CDC23: variants seen among roughly 807,000 people sequenced by gnomAD.
CDC23 encodes cell division cycle protein 23 homolog.
CDC23 carries 26 observed loss-of-function variants against 81.7 expected under a neutral mutation model. That is an observed-to-expected ratio of 0.32 (90% CI 0.23 to 0.44). The LOEUF (loss-of-function observed/expected upper bound fraction) is 0.44, where lower values mean the gene tolerates loss of function less well. CDC23 is among the 20% of genes least tolerant of loss of function. The pLI is 1.00. For missense variants in CDC23, 519 were observed against 728.0 expected (o/e 0.71, Z 3.30); for synonymous variants, 267 against 270.8 (o/e 0.99, Z 0.14).
Position 138,198,533 on chromosome 5 carries a change from G to A in CDC23, c.833-10C>T, listed in dbSNP as rs761433157. ...AGGGCTTTGTCAATATCTGCAGAAA[G>A]AAGATAGTTCAGAAAACAGCACAAT... is the stretch of plus-strand genomic sequence containing the variant. On this transcript the variant is annotated splice_polypyrimidine_tract_variant and intron_variant, in intron 7 of 15. Transcript: ENST00000394886. 10 of 1,613,450 alleles carry A rather than the reference G, an allele frequency of 6.2e-6. No homozygotes were observed. Among genetic ancestry groups the A allele is most frequent in the Non-Finnish European group, 8.5e-6 (10 of 1,179,494 alleles).
intron 9 of CDC23, among the ~76,000 whole-genome samples, chr5:138,194,146 A>G (rs1490103111): frequency 1.3e-5 from 2 of 152,202 alleles, no homozygotes; most frequent in Non-Finnish European, 2.9e-5. Context: ...ACTACTCAGC[A>G]ATAAAAGGAA....
chr5:138,195,496 G>GT (rs1427749847), intron 9 of CDC23, among the ~76,000 whole-genome samples: 3 of 122,482 alleles, frequency 2.4e-5, no homozygotes, highest in Non-Finnish European at 4.8e-5. Flanking sequence ...ATACATATAT[G>GT]TAAAAAATAT....
intron 3 of CDC23, chr5:138,206,271 C>A (rs1755047480): frequency 8.3e-6 from 4 of 480,388 alleles, no homozygotes; most frequent in African/African-American, 2.0e-5. Flanking sequence ...AATTCTTACA[C>A]AATAATATTA....
intron 9 of CDC23, among the ~76,000 whole-genome samples, chr5:138,194,403 A>T (rs1372892107): frequency 6.6e-6 from 1 of 152,188 alleles, no homozygotes; most frequent in Non-Finnish European, 1.5e-5. Flanking sequence ...GCCTGGTGAC[A>T]GAGAGAGACC....
chr5:138,200,122 T>TTTTGTTTGTTTG, intron 6 of CDC23, among the ~76,000 whole-genome samples: 1 of 152,140 alleles, frequency 6.6e-6, no homozygotes, highest in East Asian at 1.9e-4. Flanking sequence ...CTGAACAATT[T>TTTTGTTTGTTTG]TTTGTTTGTT....
intron 2 of CDC23, among the ~76,000 whole-genome samples, chr5:138,212,357 C>T (rs1355442870): frequency 1.3e-5 from 2 of 152,176 alleles, no homozygotes; most frequent in African/African-American, 4.8e-5. Context: ...TCCCGCTCTG[C>T]CCTCGGGCTG....
At chr5:138,212,964 G>A in intron 2 of CDC23, 27 bp downstream of exon 2, 2 of 1,599,938 alleles carry the variant, frequency 1.3e-6, no homozygotes, top group Non-Finnish European at 8.6e-7. Context: ...GGTTGATGGG[G>A]AGCGCTCACT....
chr5:138,196,725 C>T lies in CDC23; in HGVS notation c.1012+1474G>A, dbSNP rs577855403. Among the ~76,000 whole-genome samples the T allele has an allele frequency of 1.6e-4, 24 of 149,574 alleles. No homozygotes were observed. In the South Asian group the frequency reaches 3.6e-3, roughly 23 times the overall value. On this transcript the variant is annotated intron_variant, in intron 9 of 15. Transcript: ENST00000394886. ...CCTCCCGAGTAGCTTGGACTACAGG[C>T]GCCCGCCACCACGCCCAGCTAATTT...
At chr5:138,197,785 G>A (rs1164856174) in intron 9 of CDC23, among the ~76,000 whole-genome samples, 1 of 151,992 alleles carries the variant, frequency 6.6e-6, no homozygotes, top group Non-Finnish European at 1.5e-5. Context: ...ATGAGCCACC[G>A]CGCCCAGCCC....
chr5:138,189,464 G>A (rs1012876576), intron 15 of CDC23, among the ~76,000 whole-genome samples, 169 bp downstream of exon 15: 1 of 151,764 alleles, frequency 6.6e-6, no homozygotes, highest in East Asian at 1.9e-4. Context: ...TCCCTTTTTT[G>A]TCCAGGCTGG....
At chr5:138,195,520 T>TATATAAATTATATATATTTATATATA (rs1289140514) in intron 9 of CDC23, among the ~76,000 whole-genome samples, 2 of 122,488 alleles carry the variant, frequency 1.6e-5, no homozygotes, top group African/African-American at 6.2e-5. Flanking sequence ...TATATAAATA[T>TATATAAATTATATATATTTATATATA]ATATAAATTA....
chr5:138,200,563 T>C (rs1440518756), intron 6 of CDC23, among the ~76,000 whole-genome samples: 2 of 152,028 alleles, frequency 1.3e-5, no homozygotes, highest in Non-Finnish European at 1.5e-5. Context: ...TTCATGCCTG[T>C]AATCCCAGCA....
chr5:138,192,527 C>T lies in CDC23; in HGVS notation c.1143G>A (p.Thr381=), dbSNP rs145393018. The T allele has an allele frequency of 1.6e-5, 26 of 1,613,966 alleles. No individual in the cohort carries two copies. In the African/African-American group the frequency reaches 2.8e-4, roughly 17 times the overall value. ...ACCTATAAGCCTGGATAGCAGCAGA[C>T]GTGTTCTTCATCTCCATGTACTCAT... ...MGHEYMEMKN[T]SAAIQAYRHA... is the part of the protein sequence containing the mutation. Residue 381 remains threonine, a synonymous_variant, in exon 10 of 16, where the codon ACG becomes ACA. Coordinates refer to ENST00000394886, the MANE Select transcript of CDC23 (RefSeq NM_004661.4).
intron 2 of CDC23, among the ~76,000 whole-genome samples, chr5:138,212,346 G>A (rs898818725): frequency 2.6e-5 from 4 of 152,144 alleles, no homozygotes; most frequent in African/African-American, 9.7e-5. Context: ...TTGAGACAGT[G>A]TCCCGCTCTG....
Position 138,188,842 on chromosome 5 carries a change from A to C in CDC23, c.*136T>G. The C allele has an allele frequency of 1.4e-6, 1 of 715,706 alleles. No individual in the cohort carries two copies. The highest frequency in any genetic ancestry group is 2.2e-6 in the Non-Finnish European group (1 of 457,294). The allele number at this position is 715,706 out of a possible 1,614,324, so 44.3% of individuals were successfully genotyped here. A position where few individuals can be genotyped will look rare whatever the true frequency, so the allele number is the denominator to read the frequency against. ...GTTGGCCTCTGAAGGTAATTATACA[A>C]GCTGTCCCTATGGAGCTGTTGCCAT... On this transcript the variant is annotated 3_prime_UTR_variant, in exon 16 of 16. Coordinates refer to ENST00000394886, the MANE Select transcript of CDC23 (RefSeq NM_004661.4).
rs777443826 is a variant in CDC23 at position 138,201,189 on chromosome 5, A to G, written c.572T>C (p.Val191Ala). 3.7e-6 allele frequency: 6 copies of G among 1,614,054 alleles called. No homozygotes were observed. The highest frequency in any genetic ancestry group is 1.7e-5 in the Admixed American group (1 of 59,998). Residue 191 changes from valine (V) to alanine (A), a missense_variant, in exon 6 of 16, where the codon GTG becomes GCG. By Grantham distance (64) the Val-to-Ala change is moderately conservative. Transcript: ENST00000394886. ...KLDLVKEAID[V>A]FVEATHVLPL... ...CAAAACATGAGTAGCTTCCACAAAC[A>G]CATCAATGGCCTCTTTAACCAAGTC...
rs1021829270 is a variant in CDC23, at chr5:138,206,585, T to C, written c.334A>G (p.Lys112Glu). 8.7e-6 allele frequency: 14 copies of C among 1,614,184 alleles called. No homozygotes were observed. In the Middle Eastern group the frequency reaches 4.9e-4, roughly 57 times the overall value. ...AAHFLHGCNS[K>E]KAYFLYMYSR... ...TACATATACAGAAAATAGGCTTTCTTGCTATTGCAGCCATGCAGGAAATGT... is the reference window on the plus strand; with the variant it reads ...TACATATACAGAAAATAGGCTTTCTCGCTATTGCAGCCATGCAGGAAATGT... Residue 112 changes from lysine (K) to glutamate (E), a missense_variant, in exon 3 of 16, where the codon AAG becomes GAG. Around this residue, in one of 4 missense-constraint regions of CDC23, gnomAD observed 180 missense variants for 239.3 expected, o/e 0.75. Coordinates refer to ENST00000394886, the MANE Select transcript of CDC23 (RefSeq NM_004661.4).
chr5:138,212,950 C>G, intron 2 of CDC23, 41 bp downstream of exon 2: 1 of 1,574,988 alleles, frequency 6.3e-7, no homozygotes, highest in Non-Finnish European at 8.7e-7. Context: ...GAGGCACACC[C>G]CTGGGTTGAT....
At chr5:138,210,022 T>G (rs1178515405) in intron 2 of CDC23, among the ~76,000 whole-genome samples, 1 of 152,046 alleles carries the variant, frequency 6.6e-6, no homozygotes, top group African/African-American at 2.4e-5. Flanking sequence ...GAGACCAGCC[T>G]GGCCAACATG....
Sources: gnomAD v4.1 joint callset for allele counts (sites outside exome capture counted in the v4.1 genomes callset) on GRCh38, gnomAD v4.1.1 for gene constraint, gnomAD v4.1.1 regional missense constraint, MANE v1.5 for transcripts, NCBI Gene and HGNC (gene_info 2026-07-23, HGNC 2026-07-21) for gene names.